KLRD1: variants seen among roughly 807,000 people sequenced by gnomAD.
KLRD1 encodes killer cell lectin like receptor D1, also known as natural killer cells antigen CD94.
In KLRD1, 21 loss-of-function variants were observed where a neutral mutation model predicts 22.6. The observed-to-expected ratio is 0.93, with a 90% CI of 0.66 to 1.34. The LOEUF (loss-of-function observed/expected upper bound fraction) is 1.34. Among genes scored for constraint, KLRD1 ranks in the 40% most tolerant of loss-of-function variants. The pLI is 0.00. For synonymous variants in KLRD1, 59 were observed against 71.1 expected (o/e 0.83, Z 0.85); for missense variants, 183 against 208.6 (o/e 0.88, Z 0.76).
chr12:10,261,843 A>G (rs1949457026), intron 1 of KLRD1, among the ~76,000 whole-genome samples: 1 of 152,148 alleles, frequency 6.6e-6, no homozygotes, highest in Admixed American at 6.5e-5. Context: ...ATGGGAAAAC[A>G]CGTGAGTTAA....
chr12:10,307,912 A>T lies in KLRD1; in HGVS notation c.-166A>T, dbSNP rs936389292. ...TGTCTCACCAATAGATGATTCAAGA[A>T]CATCATTTAAATACACAATTTTTCA... On this transcript the variant is annotated 5_prime_UTR_variant, in exon 1 of 6. Transcript: ENST00000336164. 1.3e-5 allele frequency: 8 copies of T among 636,042 alleles called. No individual in the cohort carries two copies. Among genetic ancestry groups the T allele is most frequent in the Non-Finnish European group, 2.2e-5 (8 of 356,622 alleles). 39.4% of individuals were successfully genotyped at this position (636,042 alleles called of 1,614,324 possible). A position where few individuals can be genotyped will look rare whatever the true frequency, so the allele number is the denominator to read the frequency against.
chr12:10,240,482 C>T (rs1949231443), intron 1 of KLRD1, among the ~76,000 whole-genome samples: 1 of 151,856 alleles, frequency 6.6e-6, no homozygotes, highest in Non-Finnish European at 1.5e-5. Flanking sequence ...TTCTCTGCTC[C>T]CAGTGACTAA....
rs1004661881 is a variant in KLRD1 at position 10,318,950 on chromosome 12, T to C, written c.*4157T>C. 1 of 152,132 alleles carries C rather than the reference T, an allele frequency of 6.6e-6. No homozygotes were observed. The highest frequency in any genetic ancestry group is 6.5e-5 in the Admixed American group (1 of 15,280). 9.4% of individuals were successfully genotyped at this position (152,132 alleles called of 1,614,324 possible). A position where few individuals can be genotyped will look rare whatever the true frequency, so the allele number is the denominator to read the frequency against. On this transcript the variant is annotated 3_prime_UTR_variant, in exon 6 of 6. Transcript: ENST00000336164. ...AAATGTTAGTTCTATAATTTTGGAC[T>C]TTCTGAAACTTTTCTCTTTATATCC...
chr12:10,249,789 T>C (rs765791), intron 1 of KLRD1, among the ~76,000 whole-genome samples: 87,758 of 152,090 alleles, frequency 0.58, 28,079 homozygotes, highest in Admixed American at 0.74. Flanking sequence ...CTGGAGGCTG[T>C]AGCAGTCAGT....
intron 5 of KLRD1, 90 bp downstream of exon 5, chr12:10,313,603 C>A: frequency 3.1e-6 from 2 of 637,312 alleles, no homozygotes; most frequent in Non-Finnish European, 5.4e-6. Flanking sequence ...AGCACTGTGG[C>A]TGAAATAACC....
intron 1 of KLRD1, among the ~76,000 whole-genome samples, chr12:10,268,319 A>G (rs1240224549): frequency 6.6e-6 from 1 of 152,182 alleles, no homozygotes. Flanking sequence ...TAACAGTATT[A>G]AAGTATGTGA....
At chr12:10,299,781 T>A (rs1266908577), upstream of KLRD1, among the ~76,000 whole-genome samples, 1 of 152,162 alleles carries the variant, frequency 6.6e-6, no homozygotes. Context: ...TGTGATGATG[T>A]TTGAAGCATT....
intron 1 of KLRD1, among the ~76,000 whole-genome samples, chr12:10,263,635 TATA>T (rs1374474714): frequency 6.6e-6 from 1 of 152,086 alleles, no homozygotes; most frequent in Non-Finnish European, 1.5e-5. Flanking sequence ...AACAAAATCT[TATA>T]ATATTTTACC....
chr12:10,285,471 A>G (rs1230374425), intron 1 of KLRD1, among the ~76,000 whole-genome samples: 1 of 152,234 alleles, frequency 6.6e-6, no homozygotes, highest in Non-Finnish European at 1.5e-5. Flanking sequence ...GGGTTCTGAA[A>G]TAACTCAGGG....
Position 10,328,932 on chromosome 12 carries a change from A to G in KLRD1, c.*14139A>G, listed in dbSNP as rs1465836906. 2.6e-5 allele frequency: 4 copies of G among 152,158 alleles called. No individual in the cohort carries two copies. The highest frequency in any genetic ancestry group is 9.7e-5 in the African/African-American group (4 of 41,426). 9.4% of individuals were successfully genotyped at this position (152,158 alleles called of 1,614,324 possible). On this transcript the variant is annotated 3_prime_UTR_variant, in exon 6 of 6. Transcript: ENST00000336164. ...AAAGGGGGTTTCCCCTTATAAAACC[A>G]TCTGATTTCATAAGACTGATTCACT...
chr12:10,308,393 A>G (rs1263772523), intron 1 of KLRD1: 1 of 341,894 alleles, frequency 2.9e-6, no homozygotes, highest in Non-Finnish European at 5.4e-6. Context: ...TAGTATAGCA[A>G]TAGAAAATGC....
chr12:10,292,353 T>A (rs534817608), intron 1 of KLRD1, among the ~76,000 whole-genome samples: 1 of 152,228 alleles, frequency 6.6e-6, no homozygotes, highest in Admixed American at 6.5e-5. Flanking sequence ...GAATCACTAT[T>A]TATTTAATAA....
At chr12:10,244,906 A>G (rs147625359) in intron 1 of KLRD1, among the ~76,000 whole-genome samples, 63 of 152,288 alleles carry the variant, frequency 4.1e-4, no homozygotes, top group African/African-American at 1.4e-3. Flanking sequence ...AATATAACCT[A>G]TATTGATGGT....
At position 10,309,407 on chromosome 12, in the gene KLRD1, G is replaced by C; in HGVS notation, c.27G>C (p.Trp9Cys). MAVFKTTL[W>C]RLISGTLGII... Reference sequence around the variant, plus strand: ...CTACAGTGTTTAAGACCACTCTGTGGAGGTTAATTTCTGGGACCTTAGGGA... The same window carrying C: ...CTACAGTGTTTAAGACCACTCTGTGCAGGTTAATTTCTGGGACCTTAGGGA... The change falls in exon 2 of 6, where the codon TGG becomes TGC. Residue 9 changes from tryptophan (W) to cysteine (C), a missense_variant. Coordinates refer to ENST00000336164, the MANE Select transcript of KLRD1 (RefSeq NM_002262.5). 1 of 1,513,724 alleles carries C rather than the reference G, an allele frequency of 6.6e-7. No individual in the cohort carries two copies. Among genetic ancestry groups the C allele is most frequent in the Non-Finnish European group, 9.2e-7 (1 of 1,088,266 alleles). The allele number at this position is 1,513,724 out of a possible 1,614,324, so 93.8% of individuals were successfully genotyped here. A position where few individuals can be genotyped will look rare whatever the true frequency, so the allele number is the denominator to read the frequency against.
chr12:10,289,822 A>G (rs373199341), intron 1 of KLRD1, among the ~76,000 whole-genome samples: 65 of 152,328 alleles, frequency 4.3e-4, no homozygotes, highest in African/African-American at 1.5e-3. Context: ...CTTGTTGCCC[A>G]GGCTGGAGTG....
chr12:10,300,536 A>G (rs1290428902), upstream of KLRD1, among the ~76,000 whole-genome samples: 1 of 152,230 alleles, frequency 6.6e-6, no homozygotes, highest in East Asian at 1.9e-4. Context: ...TTGTTTATTC[A>G]CTTGTAGAAC....
At chr12:10,298,950 G>A (rs982416473) in intron 1 of KLRD1, among the ~76,000 whole-genome samples, 16 of 152,234 alleles carry the variant, frequency 1.1e-4, no homozygotes, top group East Asian at 5.8e-4. Flanking sequence ...CTCTAGCACC[G>A]CTGGGTTAGG....
In KLRD1 at chr12:10,311,479, C is replaced by A. The variant is rs781189811; in HGVS notation, c.179C>A (p.Ser60Tyr). The change falls in exon 4 of 6, where the codon TCT becomes TAT. Residue 60 changes from serine to tyrosine, a missense_variant. Coordinates refer to ENST00000336164, the MANE Select transcript of KLRD1 (RefSeq NM_002262.5). ...TTTCTGTCAGACTCTGACTGCTGTT[C>A]TTGCCAAGAAAAATGGGTTGGGTAC... ...IELQKDSDCC[S>Y]CQEKWVGYRC... The A allele has an allele frequency of 1.7e-5, 28 of 1,613,734 alleles. 1 individual carries two copies. Among genetic ancestry groups the A allele is most frequent in the Non-Finnish European group, 2.2e-5 (26 of 1,179,810 alleles).
intron 1 of KLRD1, among the ~76,000 whole-genome samples, chr12:10,283,369 A>T (rs1184155923): frequency 1.3e-5 from 2 of 152,206 alleles, no homozygotes; most frequent in African/African-American, 2.4e-5. Flanking sequence ...AGTGGTTACC[A>T]GGGACAGTGA....
Sources: allele counts gnomAD v4.1 joint callset (sites outside exome capture counted in the v4.1 genomes callset), GRCh38; gene constraint gnomAD v4.1.1; transcripts MANE v1.5; gene names NCBI Gene and HGNC (gene_info 2026-07-23, HGNC 2026-07-21).